Variants in MARCHF7 observed in about 807,000 individuals in gnomAD.
The protein encoded by MARCHF7 is membrane associated ring-CH-type finger 7.
A neutral mutation model predicts 76.5 loss-of-function variants in MARCHF7; 20 were observed. That is an observed-to-expected ratio of 0.26 (90% CI 0.18 to 0.38). The LOEUF (loss-of-function observed/expected upper bound fraction) is 0.38. MARCHF7 is among the 10% of genes least tolerant of loss of function. The pLI, the probability that MARCHF7 is intolerant of heterozygous loss-of-function variation, is 1.00. For synonymous variants in MARCHF7, 295 were observed against 293.0 expected (o/e 1.01, Z -0.07); for missense variants, 797 against 812.9 (o/e 0.98, Z 0.24).
chr2:159,733,925 CGAACAGTT>C, intron 4 of MARCHF7: 1 of 1,229,890 alleles, frequency 8.1e-7, no homozygotes, highest in Non-Finnish European at 1.0e-6. Flanking sequence ...TTCTAAGTTC[CGAACAGTT>C]GATTTCCTAA....
chr2:159,762,916 G>A lies in MARCHF7; in HGVS notation c.1930G>A (p.Val644Met), dbSNP rs1334449352. 6.2e-7 allele frequency: 1 copy of A among 1,613,018 alleles called. No individual in the cohort carries two copies. Among genetic ancestry groups the A allele is most frequent in the South Asian group, 1.1e-5 (1 of 90,976 alleles). The change falls in exon 10 of 12, where the codon GTG (valine) becomes ATG (methionine). Residue 644 changes from valine to methionine, a missense_variant. By Grantham distance (21) the Val-to-Met change is conservative. Around this residue, in one of 3 missense-constraint regions of MARCHF7, gnomAD observed 124 missense variants for 121.3 expected, o/e 1.02. Transcript: ENST00000409175. ...YEFISSGLYL[V>M]VLLHLCEQSF... ...GTTTATCAGCTCTGGTCTCTACCTA[G>A]TGGTGTTATTGCACTTGTGCGAACA...
chr2:159,726,756 T>C (rs142665910), intron 3 of MARCHF7, among the ~76,000 whole-genome samples: 1 of 152,354 alleles, frequency 6.6e-6, no homozygotes, highest in East Asian at 1.9e-4. Context: ...CCATAATTCT[T>C]TTCATCTTGT....
chr2:159,748,972 TCTTTTC>T, intron 7 of MARCHF7, 69 bp downstream of exon 7: 13 of 1,188,352 alleles, frequency 1.1e-5, no homozygotes, highest in Admixed American at 6.8e-5. Flanking sequence ...TTCTTTTTTT[TCTTTTC>T]TTTTTTTTTT....
intron 4 of MARCHF7, among the ~76,000 whole-genome samples, chr2:159,739,472 G>A (rs899102898): frequency 4.6e-5 from 7 of 152,102 alleles, no homozygotes; most frequent in African/African-American, 7.2e-5. Flanking sequence ...TGTTCATAAC[G>A]GCATTGTTTA....
At position 159,712,617 on chromosome 2, in the gene MARCHF7, C is replaced by G. The variant is rs1181283318; in HGVS notation, c.-143+11C>G. On this transcript the variant is annotated intron_variant, in intron 1 of 11. Coordinates refer to ENST00000409175, the MANE Select transcript of MARCHF7 (RefSeq NM_001282805.2). Reference sequence around the variant, plus strand: ...AGGAGAAAGGCGGCGGTGCGTGTTGCTGCGAGTGGGACGCGCACTGGTCGG... The same window carrying G: ...AGGAGAAAGGCGGCGGTGCGTGTTGGTGCGAGTGGGACGCGCACTGGTCGG... 6.6e-6 allele frequency: 1 copy of G among 152,622 alleles called. No individual in the cohort carries two copies. Among genetic ancestry groups the G allele is most frequent in the African/African-American group, 2.4e-5 (1 of 41,436 alleles). The allele number at this position is 152,622 out of a possible 1,614,324, so 9.5% of individuals were successfully genotyped here.
rs938919352 is a variant in MARCHF7 at position 159,733,294 on chromosome 2, G to T, written c.153+4119G>T. On this transcript the variant is annotated intron_variant, in intron 4 of 11. Coordinates refer to ENST00000409175, the MANE Select transcript of MARCHF7 (RefSeq NM_001282805.2). Reference sequence around the variant, plus strand: ...TCACACTCACCCAGGTTGGAGTATAGTAGCACAATCTCAGCTCACTGAAGC... The same window carrying T: ...TCACACTCACCCAGGTTGGAGTATATTAGCACAATCTCAGCTCACTGAAGC... The T allele has an allele frequency of 1.0e-5, 7 of 685,082 alleles. No individual in the cohort carries two copies. The African/African-American group carries it at 1.4e-4, about 13-fold the overall frequency. 42.4% of individuals were successfully genotyped at this position (685,082 alleles called of 1,614,324 possible).
chr2:159,770,609 C>T lies in MARCHF7; in HGVS notation c.*3267C>T, dbSNP rs983112463. 2.6e-5 allele frequency: 4 copies of T among 152,120 alleles called. No homozygotes were observed. The highest frequency in any genetic ancestry group is 5.9e-5 in the Non-Finnish European group (4 of 67,998). The allele number at this position is 152,120 out of a possible 1,614,324, so 9.4% of individuals were successfully genotyped here. A position where few individuals can be genotyped will look rare whatever the true frequency, so the allele number is the denominator to read the frequency against. On this transcript the variant is annotated 3_prime_UTR_variant, in exon 12 of 12. Transcript: ENST00000409175. ...GAGCCTCAGACTTCTAGACAGTATA[C>T]TTCAGTCAGTAATGGACCACATATA... is the stretch of plus-strand genomic sequence containing the variant.
intron 9 of MARCHF7, among the ~76,000 whole-genome samples, chr2:159,760,593 A>G (rs887939969): frequency 1.3e-5 from 2 of 152,242 alleles, no homozygotes; most frequent in Non-Finnish European, 2.9e-5. Context: ...ATGGAGAGAT[A>G]AATATAAATA....
In MARCHF7 at chr2:159,743,282, A is replaced by G. The variant is rs1217726259; in HGVS notation, c.346+29A>G. On this transcript the variant is annotated intron_variant, in intron 5 of 11. Transcript: ENST00000409175. ...AGAATGAGTTTCTGTAGGTATTTTA[A>G]GCCGTTTTTCTCCAGGTGTAACACA... 2.5e-6 allele frequency: 4 copies of G among 1,594,528 alleles called. No homozygotes were observed. In the East Asian group the frequency reaches 9.0e-5, roughly 36 times the overall value.
intron 7 of MARCHF7, among the ~76,000 whole-genome samples, chr2:159,751,122 G>GGCTGTCT (rs1193844860): frequency 6.6e-6 from 1 of 152,162 alleles, no homozygotes; most frequent in Non-Finnish European, 1.5e-5. Context: ...TCCAATTGCA[G>GGCTGTCT]GCTGTCTGCT....
At chr2:159,752,718 C>A in intron 8 of MARCHF7, 147 bp downstream of exon 8, 1 of 699,334 alleles carries the variant, frequency 1.4e-6, no homozygotes, top group Non-Finnish European at 2.1e-6. Context: ...CATTAAAGAG[C>A]ATTAGTGTTT....
chr2:159,747,289 G>C (rs1705019211), intron 6 of MARCHF7, among the ~76,000 whole-genome samples: 1 of 151,786 alleles, frequency 6.6e-6, no homozygotes, highest in Non-Finnish European at 1.5e-5. Flanking sequence ...AAAAAAAATT[G>C]GAAAAATTTT....
At chr2:159,762,006 A>T (rs1001600086) in intron 9 of MARCHF7, among the ~76,000 whole-genome samples, 1 of 151,956 alleles carries the variant, frequency 6.6e-6, no homozygotes, top group Non-Finnish European at 1.5e-5. Flanking sequence ...TTCTCATCTC[A>T]CTCTCCCTTG....
chr2:159,713,793 G>A (rs1431398076), intron 1 of MARCHF7, among the ~76,000 whole-genome samples: 1 of 152,188 alleles, frequency 6.6e-6, no homozygotes, highest in Non-Finnish European at 1.5e-5. Flanking sequence ...TTTGAGTCTT[G>A]ATTTTTGCCA....
chr2:159,735,919 G>C (rs191183671), intron 4 of MARCHF7, among the ~76,000 whole-genome samples: 75 of 152,262 alleles, frequency 4.9e-4, no homozygotes, highest in African/African-American at 1.8e-3. Context: ...TTTAAGGCCA[G>C]GAGTACAAGA....
chr2:159,722,177 C>G (rs1383248023), intron 3 of MARCHF7, among the ~76,000 whole-genome samples: 1 of 152,018 alleles, frequency 6.6e-6, no homozygotes, highest in Non-Finnish European at 1.5e-5. Context: ...TTCTCTGTTG[C>G]CCAGGCTGGT....
chr2:159,760,362 C>G (rs11681565), intron 9 of MARCHF7, among the ~76,000 whole-genome samples: 52,376 of 152,034 alleles, frequency 0.34, 9,231 homozygotes, highest in South Asian at 0.44. Context: ...TTGCTTGGAT[C>G]CAGATAAAGA....
At chr2:159,714,220 T>A (rs7574516) in intron 1 of MARCHF7, among the ~76,000 whole-genome samples, 2,360 of 152,314 alleles carry the variant, frequency 0.015, 55 homozygotes, top group African/African-American at 0.049. Context: ...GAAAATAATT[T>A]TATAATGCAA....
intron 7 of MARCHF7, among the ~76,000 whole-genome samples, chr2:159,750,721 T>C (rs560379284): frequency 6.6e-6 from 1 of 152,244 alleles, no homozygotes; most frequent in Non-Finnish European, 1.5e-5. Flanking sequence ...AAAATAGTTA[T>C]TAAAATGAGA....
Sources: gnomAD v4.1 joint callset for allele counts (sites outside exome capture counted in the v4.1 genomes callset) on GRCh38, gnomAD v4.1.1 for gene constraint, gnomAD v4.1.1 regional missense constraint, MANE v1.5 for transcripts, NCBI Gene and HGNC (gene_info 2026-07-23, HGNC 2026-07-21) for gene names.